GRIP1: variants seen among roughly 807,000 people sequenced by gnomAD.
GRIP1 encodes the protein glutamate receptor-interacting protein 1.
Under a neutral mutation model 129.9 loss-of-function variants are expected in GRIP1, and 45 were observed. The ratio of observed to expected loss-of-function variants is 0.35; its 90% CI spans 0.27 to 0.44. GRIP1 has a LOEUF of 0.44. Ranked by LOEUF, GRIP1 falls within the 20% of genes least tolerant of loss-of-function variation. The probability of loss-of-function intolerance (pLI) is 1.00; values close to 1 mark genes in which losing one functional copy is unlikely to be tolerated. For synonymous variants in GRIP1, 530 were observed against 520.8 expected, an observed-to-expected ratio of 1.02 and a Z score of -0.24; for missense variants, 1,196 against 1,396.8, an observed-to-expected ratio of 0.86 and a Z score of 2.29.
intron 1 of GRIP1, among the ~76,000 whole-genome samples, chr12:66,866,084 G>A (rs2040200575): frequency 6.6e-6 from 1 of 152,100 alleles, no homozygotes; most frequent in Non-Finnish European, 1.5e-5. Flanking sequence ...TCCCCAATTT[G>A]ATGGCTTTGA....
intron 1 of GRIP1, among the ~76,000 whole-genome samples, chr12:66,841,592 G>A (rs2039717450): frequency 6.6e-6 from 1 of 152,076 alleles, no homozygotes; most frequent in Admixed American, 6.6e-5. Context: ...AATTCCCTAC[G>A]TTATTTTCTA....
intron 4 of GRIP1, among the ~76,000 whole-genome samples, chr12:66,533,870 CACACACACA>C: frequency 1.4e-5 from 2 of 142,556 alleles, no homozygotes; most frequent in Admixed American, 7.1e-5. Flanking sequence ...CACTCACACA[CACACACACA>C]TACACACACT....
At chr12:66,489,321 A>G (rs2060043319) in intron 7 of GRIP1, among the ~76,000 whole-genome samples, 1 of 152,198 alleles carries the variant, frequency 6.6e-6, no homozygotes, top group Admixed American at 6.5e-5. Context: ...TTGGTTTAAC[A>G]TATGAAAATC....
At chr12:66,722,668 T>C (rs1336214398) in intron 1 of GRIP1, among the ~76,000 whole-genome samples, 2 of 152,134 alleles carry the variant, frequency 1.3e-5, no homozygotes, top group Non-Finnish European at 2.9e-5. Flanking sequence ...GGGAGGCCAA[T>C]AAAATGAGGG....
chr12:66,680,064 T>C (rs991406077), upstream of GRIP1, among the ~76,000 whole-genome samples: 1 of 151,318 alleles, frequency 6.6e-6, no homozygotes, highest in Non-Finnish European at 1.5e-5. Flanking sequence ...ACATAAACAT[T>C]CAGGACAAAA....
At position 66,353,410 on chromosome 12, in the gene GRIP1, G is replaced by GTGT. The variant is rs780579079; in HGVS notation, c.3159+6_3159+7insACA. 1 of 1,602,030 alleles carries GTGT rather than the reference G, an allele frequency of 6.2e-7. No individual in the cohort carries two copies. The highest frequency in any genetic ancestry group is 8.6e-7 in the Non-Finnish European group (1 of 1,169,100). On this transcript the variant is annotated splice_region_variant and intron_variant, in intron 24 of 24. Coordinates refer to ENST00000359742, the MANE Select transcript of GRIP1 (RefSeq NM_001366722.1). ...GCAAGGAATTAAAATTCCACCTGAG[G>GTGT]TCTTACCTGTAAGAGCCTGTCATAG...
chr12:66,980,217 T>C (rs1005068214), intron 1 of GRIP1, among the ~76,000 whole-genome samples: 5 of 152,242 alleles, frequency 3.3e-5, no homozygotes, highest in Non-Finnish European at 5.9e-5. Flanking sequence ...TACTTCTATT[T>C]GAATGTGAGT....
At chr12:66,440,232 A>C (rs747680512) in intron 13 of GRIP1, among the ~76,000 whole-genome samples, 1 of 152,204 alleles carries the variant, frequency 6.6e-6, no homozygotes, top group Non-Finnish European at 1.5e-5. Flanking sequence ...ATACTTTGAT[A>C]CAAGTATGCA....
At chr12:66,378,549 C>A (rs565675183) in intron 20 of GRIP1, among the ~76,000 whole-genome samples, 430 of 152,158 alleles carry the variant, frequency 2.8e-3, no homozygotes, top group African/African-American at 9.9e-3. Context: ...GAGTTCGAGA[C>A]CGGCCTGGTC....
intron 11 of GRIP1, among the ~76,000 whole-genome samples, chr12:66,448,435 T>C (rs1202538563): frequency 6.6e-6 from 1 of 152,228 alleles, no homozygotes; most frequent in Non-Finnish European, 1.5e-5. Context: ...ATTTTTTATT[T>C]GAATTATTCT....
intron 1 of GRIP1, among the ~76,000 whole-genome samples, chr12:66,706,859 C>G (rs1306248414): frequency 6.6e-6 from 1 of 151,704 alleles, no homozygotes; most frequent in African/African-American, 2.4e-5. Flanking sequence ...TACACCAGGA[C>G]CTATTGGTGG....
chr12:66,857,066 C>T (rs2040018496), intron 1 of GRIP1, among the ~76,000 whole-genome samples: 1 of 152,098 alleles, frequency 6.6e-6, no homozygotes, highest in South Asian at 2.1e-4. Flanking sequence ...AGTTCGTGTC[C>T]TTTGTAGGGA....
intron 11 of GRIP1, among the ~76,000 whole-genome samples, chr12:66,454,569 T>C (rs1450061491): frequency 6.6e-6 from 1 of 152,212 alleles, no homozygotes; most frequent in Non-Finnish European, 1.5e-5. Flanking sequence ...AGGAGTGATT[T>C]ATATTTCTTT....
chr12:66,477,893 A>T (rs933193661), intron 7 of GRIP1, among the ~76,000 whole-genome samples: 2 of 152,222 alleles, frequency 1.3e-5, no homozygotes, highest in African/African-American at 2.4e-5. Context: ...TGGATTAAAG[A>T]CTTAAATGTT....
At chr12:66,976,652 G>A (rs943993118) in intron 1 of GRIP1, among the ~76,000 whole-genome samples, 1 of 152,104 alleles carries the variant, frequency 6.6e-6, no homozygotes. Flanking sequence ...CACTCCTTAT[G>A]CTACTACCAC....
At chr12:66,850,423 A>G (rs749495587) in intron 1 of GRIP1, among the ~76,000 whole-genome samples, 2 of 152,088 alleles carry the variant, frequency 1.3e-5, no homozygotes, top group Non-Finnish European at 2.9e-5. Flanking sequence ...GACTTAGTAA[A>G]CCATCAACTT....
chr12:66,438,903 G>A (rs1265584661), intron 13 of GRIP1, among the ~76,000 whole-genome samples: 2 of 152,134 alleles, frequency 1.3e-5, no homozygotes, highest in Non-Finnish European at 2.9e-5. Flanking sequence ...GATTTCATAG[G>A]TTTTTCCACT....
Position 66,586,208 on chromosome 12 carries a change from C to T in GRIP1, c.136+10639G>A, listed in dbSNP as rs7970852. Among the ~76,000 whole-genome samples the T allele has an allele frequency of 1.8e-3, 280 of 152,186 alleles. 1 individual carries two copies. Among genetic ancestry groups the T allele is most frequent in the African/African-American group, 6.3e-3 (260 of 41,530 alleles). ...GAGGCTTTTACTCCCACCTTTTCAC[C>T]GAATCTATTTTTGTCAGGGTCACCA... On this transcript the variant is annotated intron_variant, in intron 2 of 24. Transcript: ENST00000359742.
intron 1 of GRIP1, among the ~76,000 whole-genome samples, chr12:67,034,696 T>G (rs1482896410): frequency 6.6e-6 from 1 of 152,214 alleles, no homozygotes; most frequent in African/African-American, 2.4e-5. Context: ...GGCAGAGCAG[T>G]AGGTTTGTTT....
Sources: gnomAD v4.1 joint callset for allele counts (sites outside exome capture counted in the v4.1 genomes callset) on GRCh38, gnomAD v4.1.1 for gene constraint, MANE v1.5 for transcripts, NCBI Gene and HGNC (gene_info 2026-07-23, HGNC 2026-07-21) for gene names.